Variants in DPYSL3 observed in about 807,000 individuals in gnomAD.
DPYSL3 encodes the protein dihydropyrimidinase-related protein 3.
In DPYSL3, 16 loss-of-function variants were observed where a neutral mutation model predicts 66.1. That is an observed-to-expected ratio of 0.24 (90% CI 0.16 to 0.37). The LOEUF is 0.37. Among genes scored for constraint, DPYSL3 ranks in the 10% least tolerant of loss-of-function variants. The pLI, the probability that DPYSL3 is intolerant of heterozygous loss-of-function variation, is 1.00. For synonymous variants in DPYSL3, 338 were observed against 345.1 expected, an observed-to-expected ratio of 0.98 and a Z score of 0.23; for missense variants, 738 against 916.2, an observed-to-expected ratio of 0.81 and a Z score of 2.51.
intron 1 of DPYSL3, among the ~76,000 whole-genome samples, chr5:147,447,389 T>C (rs1445375058): frequency 1.3e-5 from 2 of 152,142 alleles, no homozygotes; most frequent in Non-Finnish European, 2.9e-5. Context: ...TATATTGAAA[T>C]AGGCATATGT....
intron 1 of DPYSL3, among the ~76,000 whole-genome samples, chr5:147,490,529 C>T (rs1342690424): frequency 1.8e-4 from 28 of 152,120 alleles, no homozygotes; most frequent in Non-Finnish European, 2.9e-5. Context: ...CCACAATGAT[C>T]GAAATCTACA....
At chr5:147,443,828 G>T (rs1351186198) in intron 1 of DPYSL3, among the ~76,000 whole-genome samples, 1 of 152,132 alleles carries the variant, frequency 6.6e-6, no homozygotes, top group African/African-American at 2.4e-5. Context: ...GCTGAGAGTG[G>T]TGGGAATCTC....
chr5:147,455,953 C>A (rs970585965), intron 1 of DPYSL3, among the ~76,000 whole-genome samples: 1 of 151,664 alleles, frequency 6.6e-6, no homozygotes, highest in African/African-American at 2.4e-5. Flanking sequence ...AATAACAAGA[C>A]TTGGTTAAGC....
In DPYSL3 at chr5:147,413,580, G is replaced by T; in HGVS notation, c.882+16C>A. On this transcript the variant is annotated intron_variant, in intron 5 of 13. Coordinates refer to ENST00000343218, the MANE Select transcript of DPYSL3 (RefSeq NM_001197294.2). ...CCATCCAGATACCCCAAACCACATA[G>T]CAAATGGGTTGTTACCTCTGTGTTA... 6.2e-7 allele frequency: 1 copy of T among 1,606,232 alleles called. No homozygotes were observed. Among genetic ancestry groups the T allele is most frequent in the Non-Finnish European group, 8.5e-7 (1 of 1,173,516 alleles).
At chr5:147,489,717 C>T (rs1293479132) in intron 1 of DPYSL3, among the ~76,000 whole-genome samples, 1 of 149,050 alleles carries the variant, frequency 6.7e-6, no homozygotes, top group African/African-American at 2.5e-5. Flanking sequence ...ACGACTTCAG[C>T]GTTCTTTCCT....
chr5:147,489,597 T>C (rs901479822), intron 1 of DPYSL3, among the ~76,000 whole-genome samples: 10 of 152,216 alleles, frequency 6.6e-5, no homozygotes, highest in African/African-American at 2.4e-4. Flanking sequence ...ACACACCCCT[T>C]GAACCTCATA....
chr5:147,401,201 T>A (rs909549563), intron 9 of DPYSL3, among the ~76,000 whole-genome samples: 4 of 152,224 alleles, frequency 2.6e-5, no homozygotes, highest in African/African-American at 9.6e-5. Flanking sequence ...TTCTCTGACC[T>A]TCAGTTGCTT....
At chr5:147,426,261 A>G (rs1185129902) in intron 1 of DPYSL3, among the ~76,000 whole-genome samples, 1 of 152,104 alleles carries the variant, frequency 6.6e-6, no homozygotes, top group African/African-American at 2.4e-5. Flanking sequence ...TCTAGGTAGA[A>G]GGAATAGCAT....
chr5:147,509,372 C>T lies in DPYSL3; in HGVS notation c.381+106G>A, dbSNP rs778699011. On this transcript the variant is annotated intron_variant, in intron 1 of 13. Transcript: ENST00000343218. The surrounding 1 kb of genome is among the most constrained non-coding windows in gnomAD (Gnocchi z 5.3). ...ATGACCCTTTCCTCCTCCTTGTCCCCCAGCCCCGTGCAAAGTGAGCTGGAG... is the reference window on the plus strand; with the variant it reads ...ATGACCCTTTCCTCCTCCTTGTCCCTCAGCCCCGTGCAAAGTGAGCTGGAG... 1.1e-5 allele frequency: 15 copies of T among 1,386,756 alleles called. No individual in the cohort carries two copies. The highest frequency in any genetic ancestry group is 1.4e-5 in the Non-Finnish European group (15 of 1,054,480). 85.9% of individuals were successfully genotyped at this position (1,386,756 alleles called of 1,614,324 possible).
chr5:147,428,809 G>A (rs1212580873), intron 1 of DPYSL3, among the ~76,000 whole-genome samples: 1 of 152,116 alleles, frequency 6.6e-6, no homozygotes, highest in East Asian at 1.9e-4. Context: ...GGTGGGTGGG[G>A]TGCGGGGAGG....
rs747981160 is a variant in DPYSL3, at chr5:147,399,151, A to C, written c.1554T>G (p.Gly518=). 1.2e-6 allele frequency: 2 copies of C among 1,614,082 alleles called. No individual in the cohort carries two copies. The highest frequency in any genetic ancestry group is 1.7e-6 in the Non-Finnish European group (2 of 1,180,062). The change falls in exon 11 of 14, where the codon GGT becomes GGG. Residue 518 remains glycine, a synonymous_variant. Transcript: ENST00000343218. Reference sequence around the variant, plus strand: ...CCCAGATGACGAGGTCGCTGTCAGAACCCACAGATATTCTTCCCTTGCGGG... The same window carrying C: ...CCCAGATGACGAGGTCGCTGTCAGACCCCACAGATATTCTTCCCTTGCGGG... ...LYPRKGRISV[G]SDSDLVIWDP...
At chr5:147,453,460 G>A in intron 1 of DPYSL3, 2 of 1,459,646 alleles carry the variant, frequency 1.4e-6, no homozygotes, top group Non-Finnish European at 1.8e-6. Context: ...CCAGGCCAGA[G>A]AAGCCGGCGG....
intron 1 of DPYSL3, among the ~76,000 whole-genome samples, chr5:147,432,418 T>C (rs1752331703): frequency 6.6e-6 from 1 of 152,144 alleles, no homozygotes; most frequent in South Asian, 2.1e-4. Context: ...GAACTTCATG[T>C]TAACCATTTT....
intron 1 of DPYSL3, among the ~76,000 whole-genome samples, chr5:147,458,434 A>G (rs1177079556): frequency 6.6e-6 from 1 of 152,240 alleles, no homozygotes; most frequent in Non-Finnish European, 1.5e-5. Flanking sequence ...TTAGCATATC[A>G]TCAAGAAAGA....
intron 1 of DPYSL3, among the ~76,000 whole-genome samples, chr5:147,481,914 G>C (rs1387860964): frequency 6.6e-6 from 1 of 152,214 alleles, no homozygotes; most frequent in Admixed American, 6.5e-5. Context: ...AATGGACTAA[G>C]ACATGGTTCA....
intron 2 of DPYSL3, among the ~76,000 whole-genome samples, chr5:147,423,788 T>G (rs528433315): frequency 2.5e-4 from 38 of 152,282 alleles, no homozygotes; most frequent in African/African-American, 8.2e-4. Context: ...TGGCGCCATC[T>G]TGGCTCACTG....
chr5:147,448,549 G>A (rs542804031), intron 1 of DPYSL3, among the ~76,000 whole-genome samples: 1 of 152,304 alleles, frequency 6.6e-6, no homozygotes, highest in Admixed American at 6.5e-5. Flanking sequence ...AAGTAGTTGA[G>A]ATTTTATAAA....
At chr5:147,460,648 T>C (rs1752918008) in intron 1 of DPYSL3, among the ~76,000 whole-genome samples, 1 of 152,188 alleles carries the variant, frequency 6.6e-6, no homozygotes, top group Admixed American at 6.5e-5. Context: ...TAGACACCAG[T>C]ATCTGTCTGT....
chr5:147,408,489 T>C (rs1751767989), intron 7 of DPYSL3, among the ~76,000 whole-genome samples: 1 of 152,156 alleles, frequency 6.6e-6, no homozygotes, highest in African/African-American at 2.4e-5. Context: ...AATTTAACAC[T>C]CCTGAATAGC....
Sources: gnomAD v4.1 joint callset for allele counts (sites outside exome capture counted in the v4.1 genomes callset) on GRCh38, gnomAD v4.1.1 for gene constraint, Gnocchi (gnomAD v3.1) non-coding constraint, MANE v1.5 for transcripts, NCBI Gene and HGNC (gene_info 2026-07-23, HGNC 2026-07-21) for gene names.